The following ABHD2 variants were observed in gnomAD, a reference collection of about 807,000 sequenced individuals.
The protein encoded by ABHD2 is abhydrolase domain containing 2, acylglycerol lipase.
ABHD2 carries 20 observed loss-of-function variants against 48.1 expected under a neutral mutation model. The ratio of observed to expected loss-of-function variants is 0.42; its 90% CI spans 0.29 to 0.60. The LOEUF (loss-of-function observed/expected upper bound fraction) is 0.60, where lower values mean the gene tolerates loss of function less well. Among genes scored for constraint, ABHD2 ranks in the 20% least tolerant of loss-of-function variants. The pLI is 0.24. For synonymous variants in ABHD2, 209 were observed against 214.2 expected (o/e 0.98, Z 0.21); for missense variants, 405 against 550.9 (o/e 0.74, Z 2.65).
the ABHD2 span, among the ~76,000 whole-genome samples, chr15:89,059,032 G>A: frequency 6.6e-6 from 1 of 152,176 alleles, no homozygotes; most frequent in African/African-American, 2.4e-5. Context: ...ATTCATGAAG[G>A]AAGACTAGGA....
intron 3 of ABHD2, among the ~76,000 whole-genome samples, chr15:89,127,691 G>A (rs2050150253): frequency 2.4e-5 from 3 of 123,494 alleles, no homozygotes; most frequent in South Asian, 4.9e-4. Context: ...TCTTCTCAGT[G>A]AATATATATA....
intron 3 of ABHD2, among the ~76,000 whole-genome samples, chr15:89,130,223 A>C (rs1280580702): frequency 6.6e-6 from 1 of 152,224 alleles, no homozygotes; most frequent in East Asian, 1.9e-4. Flanking sequence ...CACATCTTAA[A>C]GCCACAAATG....
At position 89,170,080 on chromosome 15, in the gene ABHD2, C is replaced by CTTTTTTTTTTT. The variant is rs748983183; in HGVS notation, c.539-5709_539-5699dup. ...GAGCCATTCCATGTCAGATCAGATT[C>CTTTTTTTTTTT]TTTTTTTTTTTTTTTTTTTTTTTTT... is the stretch of plus-strand genomic sequence containing the variant. On this transcript the variant is annotated intron_variant, in intron 5 of 10. Coordinates refer to ENST00000352732, the MANE Select transcript of ABHD2 (RefSeq NM_152924.5). Among the ~76,000 whole-genome samples the CTTTTTTTTTTT allele has an allele frequency of 2.0e-3, 74 of 37,504 alleles. 24 individuals are homozygous for CTTTTTTTTTTT. The highest frequency in any genetic ancestry group is 3.1e-3 in the East Asian group (3 of 954). 24.6% of individuals were successfully genotyped at this position (37,504 alleles called of 152,430 possible).
rs1410508439 is a variant in ABHD2, at chr15:89,170,541, T to A, written c.539-5271T>A. Among the ~76,000 whole-genome samples the A allele has an allele frequency of 3.9e-5, 6 of 152,182 alleles. 1 individual carries two copies. The East Asian group carries it at 1.2e-3, about 29-fold the overall frequency. On this transcript the variant is annotated intron_variant, in intron 5 of 10. Coordinates refer to ENST00000352732, the MANE Select transcript of ABHD2 (RefSeq NM_152924.5). ...TTGCATGTACATGTTTACATACATA[T>A]GCAGTATAAAGTCCCCAAAGGCAGA...
chr15:89,105,556 G>C (rs1169177965), intron 1 of ABHD2, among the ~76,000 whole-genome samples: 2 of 152,248 alleles, frequency 1.3e-5, no homozygotes, highest in African/African-American at 4.8e-5. Context: ...GGGCAACCTT[G>C]CCGTAAATAC....
chr15:89,065,125 T>G, the ABHD2 span, among the ~76,000 whole-genome samples: 1 of 152,142 alleles, frequency 6.6e-6, no homozygotes, highest in African/African-American at 2.4e-5. Flanking sequence ...TGGCCTTCCT[T>G]TCCAGACTCA....
intron 1 of ABHD2, among the ~76,000 whole-genome samples, chr15:89,096,622 A>G (rs1247602824): frequency 6.6e-6 from 1 of 152,152 alleles, no homozygotes; most frequent in Non-Finnish European, 1.5e-5. Flanking sequence ...ATATTAGCTG[A>G]GTTGAAGAGT....
chr15:89,078,093 C>T, the ABHD2 span, among the ~76,000 whole-genome samples: 3 of 152,216 alleles, frequency 2.0e-5, no homozygotes, highest in Admixed American at 1.3e-4. Flanking sequence ...TGACCCTTCT[C>T]TCTTTCTTGC....
chr15:89,133,956 C>T (rs2050261256), intron 3 of ABHD2, among the ~76,000 whole-genome samples: 1 of 151,650 alleles, frequency 6.6e-6, no homozygotes, highest in South Asian at 2.1e-4. Flanking sequence ...CCTGCCTCAG[C>T]CTCCTGAGTA....
At chr15:89,042,398 C>T in the ABHD2 span, among the ~76,000 whole-genome samples, 1 of 152,140 alleles carries the variant, frequency 6.6e-6, no homozygotes, top group African/African-American at 2.4e-5. Flanking sequence ...CTTATTGAAG[C>T]ACATGCTCCA....
At chr15:89,115,686 G>A (rs1047226497) in intron 2 of ABHD2, among the ~76,000 whole-genome samples, 25 of 152,152 alleles carry the variant, frequency 1.6e-4, no homozygotes, top group African/African-American at 6.0e-4. Flanking sequence ...TGCGACCTGG[G>A]CTGAGTCTGA....
intron 9 of ABHD2, 116 bp downstream of exon 9, chr15:89,191,265 C>G: frequency 2.0e-6 from 2 of 1,006,818 alleles, no homozygotes; most frequent in Non-Finnish European, 3.0e-6. Flanking sequence ...CTGGCTCCAA[C>G]CGCTCTTTTA....
intron 3 of ABHD2, among the ~76,000 whole-genome samples, chr15:89,147,588 C>T (rs899269939): frequency 6.6e-6 from 1 of 150,988 alleles, no homozygotes; most frequent in Admixed American, 6.6e-5. Flanking sequence ...CTCCTGACCT[C>T]GTGATCCGCC....
chr15:89,158,689 T>C (rs1596129010), intron 5 of ABHD2, among the ~76,000 whole-genome samples: 1 of 152,298 alleles, frequency 6.6e-6, no homozygotes, highest in Admixed American at 6.5e-5. Flanking sequence ...ATTTATTGTA[T>C]GTTAGGTTCA....
At chr15:89,113,691 C>T (rs1182689927) in intron 1 of ABHD2, 34 bp from the exon 2 acceptor site, 1 of 152,168 alleles carries the variant, frequency 6.6e-6, no homozygotes, top group African/African-American at 2.4e-5. Flanking sequence ...GCTTCTTTTT[C>T]GTTCTTTAAA....
At chr15:89,077,371 T>C in the ABHD2 span, among the ~76,000 whole-genome samples, 1 of 152,248 alleles carries the variant, frequency 6.6e-6, no homozygotes, top group Non-Finnish European at 1.5e-5. Flanking sequence ...CTACAATCTG[T>C]TTATCCATTC....
In ABHD2 at chr15:89,126,759, G is replaced by A. The variant is rs117921248; in HGVS notation, c.194+10238G>A. 2.7e-3 allele frequency among the ~76,000 whole-genome samples: 405 copies of A among 152,282 alleles called. 4 individuals carry two copies. The highest frequency in any genetic ancestry group is 0.024 in the South Asian group (117 of 4,830). ...GAGTGAAGAGCTGACGGCTGTTTAC[G>A]CTTTTCTTTGTCTGAAGCAACAGTG... On this transcript the variant is annotated intron_variant, in intron 3 of 10. Transcript: ENST00000352732.
Position 89,195,107 on chromosome 15 carries a change from G to C in ABHD2, c.1082-120G>C. The C allele has an allele frequency of 9.1e-7, 1 of 1,100,788 alleles. No homozygotes were observed. The highest frequency in any genetic ancestry group is 1.3e-6 in the Non-Finnish European group (1 of 767,948). 68.2% of individuals were successfully genotyped at this position (1,100,788 alleles called of 1,614,324 possible). A position where few individuals can be genotyped will look rare whatever the true frequency, so the allele number is the denominator to read the frequency against. ...AACAAGGCAGAGTGAGTAGAGGTTG[G>C]ATGCCCACTTAGGTGACCCTGCGGG... On this transcript the variant is annotated intron_variant, in intron 10 of 10. Coordinates refer to ENST00000352732, the MANE Select transcript of ABHD2 (RefSeq NM_152924.5). The surrounding 1 kb of genome is among the most constrained non-coding windows in gnomAD (Gnocchi z 5.1).
chr15:89,083,832 A>T (rs576976373), upstream of ABHD2, among the ~76,000 whole-genome samples: 1 of 152,330 alleles, frequency 6.6e-6, no homozygotes, highest in East Asian at 1.9e-4. The surrounding 1 kb of genome is among the most constrained non-coding windows in gnomAD (Gnocchi z 5.1). Flanking sequence ...GTCCTCATGG[A>T]ACTATTGCAT....
Sources: gnomAD v4.1 joint callset for allele counts (sites outside exome capture counted in the v4.1 genomes callset) on GRCh38, gnomAD v4.1.1 for gene constraint, Gnocchi (gnomAD v3.1) non-coding constraint, MANE v1.5 for transcripts, NCBI Gene and HGNC (gene_info 2026-07-23, HGNC 2026-07-21) for gene names.